The following COX7B2 variants were observed in gnomAD, a reference collection of about 807,000 sequenced individuals.
COX7B2 encodes the protein cytochrome c oxidase subunit 7B2.
For synonymous variants in COX7B2, 37 were observed against 32.1 expected, an observed-to-expected ratio of 1.15 and a Z score of -0.51; for missense variants, 109 against 95.9, an observed-to-expected ratio of 1.14 and a Z score of -0.57.
chr4:46,806,466 A>C (rs1719000217), intron 2 of COX7B2, among the ~76,000 whole-genome samples: 1 of 152,098 alleles, frequency 6.6e-6, no homozygotes, highest in South Asian at 2.1e-4. Flanking sequence ...TGATATTATG[A>C]GGCTAAAAAG....
intron 1 of COX7B2, among the ~76,000 whole-genome samples, chr4:46,862,537 CAT>C (rs753713282): frequency 1.3e-5 from 2 of 152,152 alleles, no homozygotes; most frequent in East Asian, 3.8e-4. Context: ...TTTTCAAAGT[CAT>C]GTGAATCTTT....
chr4:46,804,149 G>T (rs1386805951), intron 2 of COX7B2, among the ~76,000 whole-genome samples: 2 of 152,076 alleles, frequency 1.3e-5, no homozygotes, highest in African/African-American at 2.4e-5. Context: ...TGGAGTTGTT[G>T]TTCCTCGCGG....
At chr4:46,836,538 C>T (rs960844064) in intron 2 of COX7B2, among the ~76,000 whole-genome samples, 1 of 151,552 alleles carries the variant, frequency 6.6e-6, no homozygotes, top group Non-Finnish European at 1.5e-5. Flanking sequence ...ACAATGCTTT[C>T]TTCTGGAATA....
intron 2 of COX7B2, among the ~76,000 whole-genome samples, chr4:46,843,167 C>A (rs1348862881): frequency 4.0e-5 from 6 of 151,812 alleles, no homozygotes; most frequent in South Asian, 2.1e-4. Flanking sequence ...GATGAGCTCA[C>A]TTTAAGTCAG....
intron 2 of COX7B2, among the ~76,000 whole-genome samples, chr4:46,770,870 T>G (rs1012618646): frequency 1.3e-5 from 2 of 152,068 alleles, no homozygotes; most frequent in Non-Finnish European, 2.9e-5. Flanking sequence ...ACTGTAAAAC[T>G]ACTAAAGGAA....
intron 2 of COX7B2, among the ~76,000 whole-genome samples, chr4:46,758,667 C>T (rs1715947337): frequency 1.3e-5 from 2 of 152,170 alleles, no homozygotes; most frequent in South Asian, 4.1e-4. Context: ...AACAATGTGG[C>T]AGGATATATA....
At chr4:46,751,886 G>C (rs974225221) in intron 2 of COX7B2, among the ~76,000 whole-genome samples, 6 of 150,536 alleles carry the variant, frequency 4.0e-5, no homozygotes, top group Non-Finnish European at 7.4e-5. Context: ...GCTTAGGATT[G>C]ACTTGGCAAT....
At chr4:46,853,407 T>G (rs140361358) in intron 1 of COX7B2, among the ~76,000 whole-genome samples, 6 of 152,296 alleles carry the variant, frequency 3.9e-5, no homozygotes, top group Non-Finnish European at 7.4e-5. Flanking sequence ...CTAAAATTTG[T>G]CTACTTATTT....
At chr4:46,860,047 G>A (rs562870864) in intron 1 of COX7B2, among the ~76,000 whole-genome samples, 261 of 152,254 alleles carry the variant, frequency 1.7e-3, no homozygotes, top group Non-Finnish European at 3.1e-3. Flanking sequence ...CCCTGGATGA[G>A]CCCAAATTTT....
intron 2 of COX7B2, among the ~76,000 whole-genome samples, chr4:46,743,533 T>C (rs1259906745): frequency 2.0e-5 from 3 of 152,256 alleles, no homozygotes; most frequent in Non-Finnish European, 4.4e-5. Context: ...AGGGATCTTA[T>C]GTCAGTATTT....
At chr4:46,895,770 C>A (rs1464077494) in intron 1 of COX7B2, among the ~76,000 whole-genome samples, 1 of 151,614 alleles carries the variant, frequency 6.6e-6, no homozygotes, top group Admixed American at 6.6e-5. Flanking sequence ...TTTTTAAGGC[C>A]CCCCCCAAAT....
chr4:46,844,678 G>A lies in COX7B2; in HGVS notation c.-50+282C>T, dbSNP rs535667388. Among the ~76,000 whole-genome samples, 7 of 151,994 alleles carry A rather than the reference G, an allele frequency of 4.6e-5. No individual in the cohort carries two copies. The South Asian group carries it at 6.2e-4, about 13-fold the overall frequency. ...CATTTTCTTTTGTATCCAACTGTTC[G>A]TGTAGTTAAGACTATCAAGTTAGTC... On this transcript the variant is annotated intron_variant, in intron 2 of 2. Coordinates refer to ENST00000355591, the MANE Select transcript of COX7B2 (RefSeq NM_130902.3).
chr4:46,813,927 A>G (rs954066727), intron 2 of COX7B2, among the ~76,000 whole-genome samples: 8 of 152,132 alleles, frequency 5.3e-5, no homozygotes, highest in African/African-American at 1.4e-4. Flanking sequence ...GAAATATATG[A>G]AAAAAAGTTC....
At position 46,823,924 on chromosome 4, in the gene COX7B2, A is replaced by C. The variant is rs138042290; in HGVS notation, c.-50+21036T>G. Among the ~76,000 whole-genome samples the C allele has an allele frequency of 5.5e-3, 831 of 152,080 alleles. 4 individuals are homozygous for C. The highest frequency in any genetic ancestry group is 0.023 in the South Asian group (113 of 4,814). On this transcript the variant is annotated intron_variant, in intron 2 of 2. Transcript: ENST00000355591. ...GGAATGAAAAAAAAAAGAAGACATC[A>C]TTCTGGATACCACAAATACCCAAAA...
At chr4:46,785,663 A>C (rs1467569900) in intron 2 of COX7B2, among the ~76,000 whole-genome samples, 2 of 152,236 alleles carry the variant, frequency 1.3e-5, no homozygotes, top group Non-Finnish European at 2.9e-5. Context: ...TATTCTACCC[A>C]AATTAAAAGC....
intron 1 of COX7B2, among the ~76,000 whole-genome samples, chr4:46,865,549 T>C (rs541345645): frequency 4.0e-4 from 61 of 152,290 alleles, no homozygotes; most frequent in African/African-American, 1.3e-3. Context: ...TTTTCTCTTC[T>C]TCTTGATCAT....
chr4:46,832,048 A>G (rs1001192606), intron 2 of COX7B2, among the ~76,000 whole-genome samples: 3 of 152,222 alleles, frequency 2.0e-5, no homozygotes, highest in African/African-American at 7.2e-5. Flanking sequence ...TGGACCAATC[A>G]GCAGGATGTG....
chr4:46,902,409 T>A (rs1720121759), intron 1 of COX7B2, among the ~76,000 whole-genome samples: 1 of 152,174 alleles, frequency 6.6e-6, no homozygotes, highest in Admixed American at 6.5e-5. Context: ...CATATACCAA[T>A]AATCTGCAGC....
chr4:46,779,943 G>T lies in COX7B2; in HGVS notation c.-49-44702C>A, dbSNP rs75666955. 6.6e-5 allele frequency among the ~76,000 whole-genome samples: 10 copies of T among 152,196 alleles called. No homozygotes were observed. In the East Asian group the frequency reaches 1.9e-3, roughly 29 times the overall value. ...ATAGTGAATAATATTATATGGTATA[G>T]TAAAAATGTGTTAAGAGTAGATTTT... On this transcript the variant is annotated intron_variant, in intron 2 of 2. Transcript: ENST00000355591.
Sources: allele counts gnomAD v4.1 joint callset (sites outside exome capture counted in the v4.1 genomes callset), GRCh38; gene constraint gnomAD v4.1.1; transcripts MANE v1.5; gene names NCBI Gene and HGNC (gene_info 2026-07-23, HGNC 2026-07-21).